Variants in GPC5 observed in about 807,000 individuals in gnomAD.
GPC5 encodes the protein glypican 5.
GPC5 carries 47 observed loss-of-function variants against 53.9 expected under a neutral mutation model. The ratio of observed to expected loss-of-function variants is 0.87; its 90% CI spans 0.69 to 1.11. The LOEUF is 1.11. GPC5 is among the 50% of genes most tolerant of loss of function. The pLI is 0.00. For missense variants in GPC5, 748 were observed against 713.1 expected (o/e 1.05, Z -0.56); for synonymous variants, 286 against 263.3 (o/e 1.09, Z -0.84).
At chr13:91,776,008 T>C (rs1235655334) in intron 5 of GPC5, among the ~76,000 whole-genome samples, 3 of 152,210 alleles carry the variant, frequency 2.0e-5, no homozygotes, top group Non-Finnish European at 4.4e-5. Flanking sequence ...CCCATCTTTG[T>C]CCCCATTGCA....
At chr13:92,652,871 C>G (rs1015350274) in intron 7 of GPC5, among the ~76,000 whole-genome samples, 2 of 152,198 alleles carry the variant, frequency 1.3e-5, no homozygotes, top group South Asian at 2.1e-4. Flanking sequence ...CCTCACAACC[C>G]TTCAAATCTC....
chr13:92,147,264 C>A (rs2041874737), intron 7 of GPC5, among the ~76,000 whole-genome samples: 1 of 151,770 alleles, frequency 6.6e-6, no homozygotes, highest in Non-Finnish European at 1.5e-5. Context: ...TCCATCAGGG[C>A]AGTATTTAAT....
chr13:92,237,531 T>C (rs2042579413), intron 7 of GPC5, among the ~76,000 whole-genome samples: 1 of 152,172 alleles, frequency 6.6e-6, no homozygotes, highest in African/African-American at 2.4e-5. Context: ...CTTGTGTTTT[T>C]AAATTTTCCA....
At chr13:91,855,464 C>T (rs1278961341) in intron 5 of GPC5, among the ~76,000 whole-genome samples, 1 of 151,542 alleles carries the variant, frequency 6.6e-6, no homozygotes, top group East Asian at 1.9e-4. Flanking sequence ...AAAATTAGTC[C>T]TAATGCCTAT....
At chr13:91,924,603 T>A (rs2039748732) in intron 6 of GPC5, among the ~76,000 whole-genome samples, 1 of 151,642 alleles carries the variant, frequency 6.6e-6, no homozygotes, top group South Asian at 2.1e-4. Flanking sequence ...TAGCTGGGCG[T>A]GGTGGTGGGC....
At chr13:92,759,946 G>T (rs1875092050) in intron 7 of GPC5, among the ~76,000 whole-genome samples, 2 of 151,992 alleles carry the variant, frequency 1.3e-5, no homozygotes, top group Non-Finnish European at 2.9e-5. Context: ...TTTGGTAAAT[G>T]CTTTTTCTGC....
At chr13:92,457,603 G>T (rs1566598936) in intron 7 of GPC5, among the ~76,000 whole-genome samples, 1 of 152,150 alleles carries the variant, frequency 6.6e-6, no homozygotes, top group Non-Finnish European at 1.5e-5. Context: ...ATTATAGGAT[G>T]AATTCCAACT....
chr13:92,633,200 C>T (rs72641014), intron 7 of GPC5, among the ~76,000 whole-genome samples: 12,890 of 152,166 alleles, frequency 0.085, 733 homozygotes, highest in Admixed American at 0.14. Flanking sequence ...GCCAAAACTC[C>T]CATTTTTTAA....
intron 5 of GPC5, among the ~76,000 whole-genome samples, chr13:91,782,558 G>A (rs1214314361): frequency 2.0e-5 from 3 of 152,122 alleles, no homozygotes; most frequent in Non-Finnish European, 4.4e-5. Context: ...CCGCCCCCAT[G>A]ATCCAATCAC....
chr13:91,710,717 C>A (rs2139904940), intron 3 of GPC5, among the ~76,000 whole-genome samples: 1 of 152,326 alleles, frequency 6.6e-6, no homozygotes, highest in Non-Finnish European at 1.5e-5. Context: ...GCTTCACTGA[C>A]AAACTAGATG....
chr13:92,370,259 A>G (rs2139293145), intron 7 of GPC5, among the ~76,000 whole-genome samples: 1 of 152,310 alleles, frequency 6.6e-6, no homozygotes, highest in Middle Eastern at 3.4e-3. Flanking sequence ...TAGGTGCATG[A>G]GTTTTAGCAG....
intron 2 of GPC5, among the ~76,000 whole-genome samples, chr13:91,614,331 T>G (rs764495666): frequency 1.1e-4 from 17 of 152,132 alleles, no homozygotes; most frequent in Non-Finnish European, 2.2e-4. Context: ...ATTTCCAATT[T>G]CCTTTTTTAT....
intron 2 of GPC5, among the ~76,000 whole-genome samples, chr13:91,470,162 GC>G (rs1295022434): frequency 6.6e-6 from 1 of 152,142 alleles, no homozygotes; most frequent in Non-Finnish European, 1.5e-5. Context: ...AAGCATAGTA[GC>G]TTGGTTATGT....
intron 6 of GPC5, chr13:91,996,327 C>T (rs2040503692): frequency 6.6e-6 from 1 of 152,238 alleles, no homozygotes; most frequent in African/African-American, 2.4e-5. Flanking sequence ...TTCTCTCTAG[C>T]CCAGGCTATA....
intron 7 of GPC5, among the ~76,000 whole-genome samples, chr13:92,346,354 A>G (rs1486634324): frequency 6.6e-6 from 1 of 152,182 alleles, no homozygotes; most frequent in East Asian, 1.9e-4. Flanking sequence ...AATAGAAGGG[A>G]AAGCAGTATC....
intron 6 of GPC5, among the ~76,000 whole-genome samples, chr13:92,116,997 C>G (rs1205783637): frequency 6.6e-6 from 1 of 152,036 alleles, no homozygotes; most frequent in Non-Finnish European, 1.5e-5. Flanking sequence ...GTTGTCTATT[C>G]TCTAAACAGC....
intron 2 of GPC5, among the ~76,000 whole-genome samples, chr13:91,453,404 A>AT (rs1881323726): frequency 6.6e-6 from 1 of 152,016 alleles, no homozygotes; most frequent in Non-Finnish European, 1.5e-5. Context: ...GACACAGGAT[A>AT]TAGTTAATAT....
At chr13:92,403,442 G>T (rs112522019) in intron 7 of GPC5, among the ~76,000 whole-genome samples, 2 of 152,076 alleles carry the variant, frequency 1.3e-5, no homozygotes, top group South Asian at 4.1e-4. Flanking sequence ...CCTGAGCTCC[G>T]CCTCCTGTCA....
chr13:91,529,198 A>G (rs1886224617), intron 2 of GPC5, among the ~76,000 whole-genome samples: 1 of 152,326 alleles, frequency 6.6e-6, no homozygotes, highest in Admixed American at 6.5e-5. Context: ...ATATTTGCAC[A>G]CTTTTTTATT....
Sources: gnomAD v4.1 joint callset for allele counts (sites outside exome capture counted in the v4.1 genomes callset) on GRCh38, gnomAD v4.1.1 for gene constraint, MANE v1.5 for transcripts, NCBI Gene and HGNC (gene_info 2026-07-23, HGNC 2026-07-21) for gene names.